DMRTA1: variants seen among roughly 807,000 people sequenced by gnomAD.
DMRTA1 encodes the protein doublesex- and mab-3-related transcription factor A1.
Under a neutral mutation model 35.2 loss-of-function variants are expected in DMRTA1, and 34 were observed. The observed-to-expected ratio is 0.97, with a 90% CI of 0.74 to 1.29. The LOEUF (loss-of-function observed/expected upper bound fraction) is 1.29. Among genes scored for constraint, DMRTA1 ranks in the 50% most tolerant of loss-of-function variants. The pLI is 0.00. For synonymous variants in DMRTA1, 344 were observed against 276.6 expected, an observed-to-expected ratio of 1.24 and a Z score of -2.42; for missense variants, 824 against 644.6, an observed-to-expected ratio of 1.28 and a Z score of -3.01.
Position 22,455,732 on chromosome 9 carries a change from G to A in DMRTA1, c.*3821G>A, listed in dbSNP as rs776934065. 6.6e-6 allele frequency: 1 copy of A among 152,150 alleles called. No homozygotes were observed. Among genetic ancestry groups the A allele is most frequent in the Non-Finnish European group, 1.5e-5 (1 of 68,018 alleles). The allele number at this position is 152,150 out of a possible 1,614,324, so 9.4% of individuals were successfully genotyped here. ...GGGCTTTCTGAAGAAAATAAACATCGAAATCATAGTTTGTGTTTATGCTAC... is the reference window on the plus strand; with the variant it reads ...GGGCTTTCTGAAGAAAATAAACATCAAAATCATAGTTTGTGTTTATGCTAC... On this transcript the variant is annotated 3_prime_UTR_variant, in exon 2 of 2. Transcript: ENST00000325870.
rs1469643550 is a variant in DMRTA1, at chr9:22,447,004, G to A, written c.-62G>A. 6.4e-7 allele frequency: 1 copy of A among 1,557,876 alleles called. No individual in the cohort carries two copies. Among genetic ancestry groups the A allele is most frequent in the Non-Finnish European group, 8.7e-7 (1 of 1,151,918 alleles). ...CTGCCCCGGCTTCCCCAGCCTCCCA[G>A]CAGGGTTAGCTGCGGTCAGCGCACT... On this transcript the variant is annotated 5_prime_UTR_variant, in exon 1 of 2. Transcript: ENST00000325870.
At position 22,449,647 on chromosome 9, in the gene DMRTA1, A is replaced by T. The variant is rs372178528; in HGVS notation, c.668-1417A>T. Among the ~76,000 whole-genome samples, 3 of 152,286 alleles carry T rather than the reference A, an allele frequency of 2.0e-5. No individual in the cohort carries two copies. In the South Asian group the frequency reaches 6.2e-4, roughly 32 times the overall value. Reference sequence around the variant, plus strand: ...AATGCTAATCTATTTCCACTTGGCAAATTTCATTAGAAAAGTATTATTGTG... The same window carrying T: ...AATGCTAATCTATTTCCACTTGGCATATTTCATTAGAAAAGTATTATTGTG... On this transcript the variant is annotated intron_variant, in intron 1 of 1. Coordinates refer to ENST00000325870, the MANE Select transcript of DMRTA1 (RefSeq NM_022160.3).
rs536790652 is a variant in DMRTA1, at chr9:22,451,553, C to G, written c.1157C>G (p.Ala386Gly). Residue 386 changes from alanine (A) to glycine (G), a missense_variant, in exon 2 of 2, where the codon GCC (alanine) becomes GGC (glycine). Transcript: ENST00000325870. ...LANSEELENT[A>G]FQRASSFSLA... ...AACTCAGAAGAACTGGAAAACACAG[C>G]CTTTCAGAGAGCTTCAAGTTTTAGT... 3 of 1,614,106 alleles carry G rather than the reference C, an allele frequency of 1.9e-6. No homozygotes were observed. The highest frequency in any genetic ancestry group is 1.1e-5 in the South Asian group (1 of 91,076).
rs1587668308 is a variant in DMRTA1, at chr9:22,447,588, G to A, written c.523G>A (p.Gly175Ser). The A allele has an allele frequency of 3.1e-6, 5 of 1,602,768 alleles. No individual in the cohort carries two copies. Among genetic ancestry groups the A allele is most frequent in the Non-Finnish European group, 4.3e-6 (5 of 1,175,728 alleles). ...GCCCCCCGGTGGTCGGGCATCCGGG[G>A]GCGGCGGCAGAGCCGAGAATCCACA... Reference protein sequence around the residue: ...SWPPGGRASGGGGRAENPQST... With the variant: ...SWPPGGRASGSGGRAENPQST... Residue 175 changes from glycine to serine, a missense_variant, in exon 1 of 2, where the codon GGC becomes AGC. Gly to Ser is a moderately conservative substitution (Grantham distance 56). Transcript: ENST00000325870.
Position 22,451,331 on chromosome 9 carries a change from T to G in DMRTA1, c.935T>G (p.Leu312Trp). The G allele has an allele frequency of 6.2e-7, 1 of 1,614,120 alleles. No individual in the cohort carries two copies. Among genetic ancestry groups the G allele is most frequent in the Non-Finnish European group, 8.5e-7 (1 of 1,179,972 alleles). ...AATGAAAGTGAATGGGTCAAAGACT[T>G]GACTGCGACCAAGGCAAGCCTTCCG... is the stretch of plus-strand genomic sequence containing the variant. ...SGNESEWVKD[L>W]TATKASLPTV... The change falls in exon 2 of 2, where the codon TTG becomes TGG. Residue 312 changes from leucine (L) to tryptophan (W), a missense_variant. Coordinates refer to ENST00000325870, the MANE Select transcript of DMRTA1 (RefSeq NM_022160.3).
rs762444857 is a variant in DMRTA1, at chr9:22,447,624, G to A, written c.559G>A (p.Gly187Ser). 3 of 1,611,042 alleles carry A rather than the reference G, an allele frequency of 1.9e-6. No homozygotes were observed. Among genetic ancestry groups the A allele is most frequent in the Non-Finnish European group, 2.5e-6 (3 of 1,179,554 alleles). Residue 187 changes from glycine to serine, a missense_variant, in exon 1 of 2, where the codon GGC (glycine) becomes AGC (serine). By Grantham distance (56) the Gly-to-Ser change is moderately conservative. Coordinates refer to ENST00000325870, the MANE Select transcript of DMRTA1 (RefSeq NM_022160.3). The part of the protein sequence containing the change: ...GRAENPQSTG[G>S]PAAGAALGLG... Reference sequence around the variant, plus strand: ...AGCCGAGAATCCACAGTCCACGGGCGGCCCTGCGGCGGGGGCTGCGCTGGG... The same window carrying A: ...AGCCGAGAATCCACAGTCCACGGGCAGCCCTGCGGCGGGGGCTGCGCTGGG...
At position 22,447,680 on chromosome 9, in the gene DMRTA1, C is replaced by T. The variant is rs781012261; in HGVS notation, c.615C>T (p.Ser205=). ...GTGCCTTGAGACAGGCCAGTGGTTC[C>T]GCGACCCCCGCTTTCGAAGTTTTCC... The part of the protein sequence containing the change: ...GLGALRQASG[S]ATPAFEVFQQ... Residue 205 remains serine (S), a synonymous_variant, in exon 1 of 2, where the codon TCC becomes TCT. Transcript: ENST00000325870. 1.9e-6 allele frequency: 3 copies of T among 1,612,848 alleles called. No individual in the cohort carries two copies. Among genetic ancestry groups the T allele is most frequent in the Non-Finnish European group, 2.5e-6 (3 of 1,179,966 alleles).
rs767049359 is a variant in DMRTA1, at chr9:22,451,780, C to T, written c.1384C>T (p.Pro462Ser). Residue 462 changes from proline to serine, a missense_variant, in exon 2 of 2, where the codon CCA (proline) becomes TCA (serine). Coordinates refer to ENST00000325870, the MANE Select transcript of DMRTA1 (RefSeq NM_022160.3). ...ACCCTACCTAACACCTGGGTTAGTA[C>T]CAACCTTACCTTTTCGGCCAGCTTT... ...MSPYLTPGLV[P>S]TLPFRPALDY... 2.5e-6 allele frequency: 4 copies of T among 1,614,086 alleles called. No homozygotes were observed. The highest frequency in any genetic ancestry group is 3.4e-6 in the Non-Finnish European group (4 of 1,179,936).
Position 22,451,690 on chromosome 9 carries a change from G to T in DMRTA1, c.1294G>T (p.Val432Leu). ...DSSLYGVNPRVGISPLRLAYS... is the reference protein window; with the variant it reads ...DSSLYGVNPRLGISPLRLAYS... Reference sequence around the variant, plus strand: ...AAGTCTCTACGGCGTAAATCCTAGAGTAGGTATCAGTCCATTAAGGCTGGC... The same window carrying T: ...AAGTCTCTACGGCGTAAATCCTAGATTAGGTATCAGTCCATTAAGGCTGGC... Residue 432 changes from valine to leucine, a missense_variant, in exon 2 of 2, where the codon GTA becomes TTA. Physicochemically the swap from Val to Leu is conservative, Grantham distance 32. Transcript: ENST00000325870. 6.2e-7 allele frequency: 1 copy of T among 1,614,116 alleles called. No homozygotes were observed. The highest frequency in any genetic ancestry group is 8.5e-7 in the Non-Finnish European group (1 of 1,179,964).
At position 22,447,205 on chromosome 9, in the gene DMRTA1, T is replaced by C; in HGVS notation, c.140T>C (p.Phe47Ser). ...TCGGGGATGCAGGTTCCCCCAGCGT[T>C]CCTGCGGCCGCCCAGCCTCTTTCTG... ...VPSGMQVPPA[F>S]LRPPSLFLRA... Residue 47 changes from phenylalanine (F) to serine (S), a missense_variant, in exon 1 of 2, where the codon TTC becomes TCC. Phe to Ser is a radical substitution (Grantham distance 155). Coordinates refer to ENST00000325870, the MANE Select transcript of DMRTA1 (RefSeq NM_022160.3). 1 of 1,581,514 alleles carries C rather than the reference T, an allele frequency of 6.3e-7. No individual in the cohort carries two copies. The highest frequency in any genetic ancestry group is 8.6e-7 in the Non-Finnish European group (1 of 1,167,526).
chr9:22,450,254 C>G (rs1259260549), intron 1 of DMRTA1, among the ~76,000 whole-genome samples: 4 of 152,034 alleles, frequency 2.6e-5, no homozygotes, highest in Non-Finnish European at 1.5e-5. Flanking sequence ...TTTTAAAAGA[C>G]AATTTGAGGA....
chr9:22,451,965 G>C lies in DMRTA1; in HGVS notation c.*54G>C, dbSNP rs1013735532. 1 of 1,581,292 alleles carries C rather than the reference G, an allele frequency of 6.3e-7. No homozygotes were observed. The highest frequency in any genetic ancestry group is 8.6e-7 in the Non-Finnish European group (1 of 1,161,174). On this transcript the variant is annotated 3_prime_UTR_variant, in exon 2 of 2. Coordinates refer to ENST00000325870, the MANE Select transcript of DMRTA1 (RefSeq NM_022160.3). ...TTTTTCCAGCATACAATACATGCAC[G>C]TGCACACACATACACACACATCCAT...
In DMRTA1 at chr9:22,455,087, G is replaced by A. The variant is rs562540823; in HGVS notation, c.*3176G>A. 1 of 152,302 alleles carries A rather than the reference G, an allele frequency of 6.6e-6. No homozygotes were observed. Among genetic ancestry groups the A allele is most frequent in the South Asian group, 2.1e-4 (1 of 4,826 alleles). 9.4% of individuals were successfully genotyped at this position (152,302 alleles called of 1,614,324 possible). Reference sequence around the variant, plus strand: ...TCATCAGAATTTTGCCTATGTGATAGCCTCCTGAGAGTAGGCAGAAAAGAA... The same window carrying A: ...TCATCAGAATTTTGCCTATGTGATAACCTCCTGAGAGTAGGCAGAAAAGAA... On this transcript the variant is annotated 3_prime_UTR_variant, in exon 2 of 2. Coordinates refer to ENST00000325870, the MANE Select transcript of DMRTA1 (RefSeq NM_022160.3).
Position 22,446,975 on chromosome 9 carries a change from C to A in DMRTA1, c.-91C>A. The A allele has an allele frequency of 6.7e-7, 1 of 1,490,026 alleles. No homozygotes were observed. The highest frequency in any genetic ancestry group is 9.1e-7 in the Non-Finnish European group (1 of 1,104,852). 92.3% of individuals were successfully genotyped at this position (1,490,026 alleles called of 1,614,324 possible). On this transcript the variant is annotated 5_prime_UTR_variant, in exon 1 of 2. Transcript: ENST00000325870. Reference sequence around the variant, plus strand: ...GGTGGAGCTCAGTAGGACCACGGCGCGTCCTGCCCCGGCTTCCCCAGCCTC... The same window carrying A: ...GGTGGAGCTCAGTAGGACCACGGCGAGTCCTGCCCCGGCTTCCCCAGCCTC...
Position 22,447,391 on chromosome 9 carries a change from T to G in DMRTA1, c.326T>G (p.Leu109Arg), listed in dbSNP as rs915211979. Residue 109 changes from leucine to arginine, a missense_variant, in exon 1 of 2, where the codon CTC (leucine) becomes CGC (arginine). Physicochemically the swap from Leu to Arg is moderately radical, Grantham distance 102. Coordinates refer to ENST00000325870, the MANE Select transcript of DMRTA1 (RefSeq NM_022160.3). ...RCRNHGVVSA[L>R]KGHKRFCRWR... ...CGTAACCATGGTGTGGTGTCAGCGC[T>G]CAAGGGCCACAAGCGCTTCTGCCGC... 1.9e-6 allele frequency: 3 copies of G among 1,553,520 alleles called. No individual in the cohort carries two copies. In the African/African-American group the frequency reaches 4.2e-5, roughly 22 times the overall value.
chr9:22,450,697 A>C (rs1818910967), intron 1 of DMRTA1, among the ~76,000 whole-genome samples: 1 of 152,170 alleles, frequency 6.6e-6, no homozygotes, highest in African/African-American at 2.4e-5. Flanking sequence ...AACAAAACTT[A>C]GGTGACATTT....
Position 22,447,346 on chromosome 9 carries a change from C to A in DMRTA1, c.281C>A (p.Thr94Lys). 6.5e-7 allele frequency: 1 copy of A among 1,529,526 alleles called. No homozygotes were observed. The highest frequency in any genetic ancestry group is 1.2e-5 in the South Asian group (1 of 82,324). 94.7% of individuals were successfully genotyped at this position (1,529,526 alleles called of 1,614,324 possible). ...VGAVGCGYPR[T>K]PKCARCRNHG... ...GCGGTGGGCTGCGGCTACCCGCGGA[C>A]GCCCAAGTGCGCCCGCTGTCGTAAC... The change falls in exon 1 of 2, where the codon ACG becomes AAG. Residue 94 changes from threonine to lysine, a missense_variant. Physicochemically the swap from Thr to Lys is moderately conservative, Grantham distance 78. Transcript: ENST00000325870.
Position 22,454,500 on chromosome 9 carries a change from T to A in DMRTA1, c.*2589T>A, listed in dbSNP as rs1261408642. ...TTAAGATACAAGACTTTGCCTCAAG[T>A]TGCTCACGGTCTATATTGTGTGTAC... On this transcript the variant is annotated 3_prime_UTR_variant, in exon 2 of 2. Coordinates refer to ENST00000325870, the MANE Select transcript of DMRTA1 (RefSeq NM_022160.3). The A allele has an allele frequency of 6.6e-6, 1 of 152,202 alleles. No individual in the cohort carries two copies. Among genetic ancestry groups the A allele is most frequent in the Non-Finnish European group, 1.5e-5 (1 of 68,024 alleles). The allele number at this position is 152,202 out of a possible 1,614,324, so 9.4% of individuals were successfully genotyped here.
Position 22,451,725 on chromosome 9 carries a change from T to C in DMRTA1, c.1329T>C (p.Ser443=), listed in dbSNP as rs758435727. 4 of 1,614,146 alleles carry C rather than the reference T, an allele frequency of 2.5e-6. No individual in the cohort carries two copies. Among genetic ancestry groups the C allele is most frequent in the Middle Eastern group, 1.6e-4 (1 of 6,062 alleles). ...GISPLRLAYS[S]AGRGLSGFMS... Reference sequence around the variant, plus strand: ...GTCCATTAAGGCTGGCATATTCTTCTGCAGGAAGAGGGTTATCTGGTTTTA... The same window carrying C: ...GTCCATTAAGGCTGGCATATTCTTCCGCAGGAAGAGGGTTATCTGGTTTTA... Residue 443 remains serine, a synonymous_variant, in exon 2 of 2, where the codon TCT becomes TCC. Coordinates refer to ENST00000325870, the MANE Select transcript of DMRTA1 (RefSeq NM_022160.3).
Sources: gnomAD v4.1 joint callset for allele counts (sites outside exome capture counted in the v4.1 genomes callset) on GRCh38, gnomAD v4.1.1 for gene constraint, MANE v1.5 for transcripts, NCBI Gene and HGNC (gene_info 2026-07-23, HGNC 2026-07-21) for gene names.